RAP1GAP2: variants seen among roughly 807,000 people sequenced by gnomAD.
RAP1GAP2 encodes the protein RAP1 GTPase activating protein 2.
Under a neutral mutation model 95.0 loss-of-function variants are expected in RAP1GAP2, and 27 were observed. The observed-to-expected ratio is 0.28, with a 90% CI of 0.21 to 0.39. The LOEUF (loss-of-function observed/expected upper bound fraction) is 0.39, where lower values mean the gene tolerates loss of function less well. Among genes scored for constraint, RAP1GAP2 ranks in the 10% least tolerant of loss-of-function variants. The probability of loss-of-function intolerance (pLI) is 1.00; values close to 1 mark genes in which losing one functional copy is unlikely to be tolerated. For synonymous variants in RAP1GAP2, 373 were observed against 380.9 expected (o/e 0.98, Z 0.24); for missense variants, 771 against 970.0 (o/e 0.79, Z 2.72).
intron 3 of RAP1GAP2, among the ~76,000 whole-genome samples, chr17:2,942,265 CATCACCAGT>C (rs2043526355): frequency 6.6e-6 from 1 of 152,172 alleles, no homozygotes; most frequent in African/African-American, 2.4e-5. Context: ...CTGCCTGGCA[CATCACCAGT>C]GCCCAACAGA....
chr17:2,991,922 G>A (rs1326141871), intron 12 of RAP1GAP2, among the ~76,000 whole-genome samples: 9 of 150,948 alleles, frequency 6.0e-5, no homozygotes, highest in South Asian at 2.1e-4. Flanking sequence ...CCGCCAACAC[G>A]CCCAGCTAAG....
At chr17:2,919,537 G>T (rs2042680404) in intron 3 of RAP1GAP2, among the ~76,000 whole-genome samples, 1 of 152,056 alleles carries the variant, frequency 6.6e-6, no homozygotes, top group South Asian at 2.1e-4. Flanking sequence ...TGCTGACCTT[G>T]TGGGGAACAC....
intron 8 of RAP1GAP2, among the ~76,000 whole-genome samples, chr17:2,975,192 A>G (rs1021497457): frequency 3.3e-5 from 5 of 152,170 alleles, no homozygotes; most frequent in African/African-American, 1.2e-4. Flanking sequence ...ATTGCGCCAC[A>G]ATACTACTCC....
intron 2 of RAP1GAP2, among the ~76,000 whole-genome samples, chr17:2,829,676 T>A (rs2070746255): frequency 6.6e-6 from 1 of 152,160 alleles, no homozygotes; most frequent in Non-Finnish European, 1.5e-5. Context: ...GTGAATTATT[T>A]CTCAGGGGAG....
chr17:2,952,320 A>C (rs995032711), intron 3 of RAP1GAP2, among the ~76,000 whole-genome samples: 1 of 152,210 alleles, frequency 6.6e-6, no homozygotes, highest in Non-Finnish European at 1.5e-5. Context: ...TTATTGTATG[A>C]GTGTACCCCT....
chr17:2,772,299 A>T (rs943310440), upstream of RAP1GAP2, among the ~76,000 whole-genome samples: 1 of 151,962 alleles, frequency 6.6e-6, no homozygotes, highest in Non-Finnish European at 1.5e-5. Flanking sequence ...TATTTTATTT[A>T]ATGTATTTTG....
At chr17:2,813,347 A>T (rs4790366) in intron 2 of RAP1GAP2, among the ~76,000 whole-genome samples, 127,223 of 152,018 alleles carry the variant, frequency 0.84, 53,657 homozygotes, top group African/African-American at 0.94. Flanking sequence ...AGTGCTGGGA[A>T]TACAGGCGTG....
chr17:2,854,395 C>T (rs1206290071), intron 2 of RAP1GAP2, among the ~76,000 whole-genome samples: 4 of 152,244 alleles, frequency 2.6e-5, no homozygotes, highest in Non-Finnish European at 4.4e-5. Context: ...GACCGCGACC[C>T]CGTTCCCCAA....
intron 1 of RAP1GAP2, 50 bp from the exon 2 acceptor site, chr17:2,800,465 G>C: frequency 6.3e-7 from 1 of 1,591,654 alleles, no homozygotes; most frequent in Non-Finnish European, 8.6e-7. Context: ...ATGCTATGTA[G>C]GAGTCTTCAG....
chr17:2,771,278 G>A (rs1343329707), intron 2 of RAP1GAP2, among the ~76,000 whole-genome samples: 1 of 151,882 alleles, frequency 6.6e-6, no homozygotes, highest in Non-Finnish European at 1.5e-5. Context: ...CTGGGTAGGG[G>A]GCTGGGAGGT....
intron 1 of RAP1GAP2, among the ~76,000 whole-genome samples, chr17:2,758,148 C>T (rs7211192): frequency 0.12 from 18,061 of 145,302 alleles, 1,188 homozygotes; most frequent in East Asian, 0.21. Flanking sequence ...GGATTACAGG[C>T]GTGAGCCACC....
At chr17:2,788,968 A>G (rs2151460500) in intron 1 of RAP1GAP2, among the ~76,000 whole-genome samples, 1 of 152,366 alleles carries the variant, frequency 6.6e-6, no homozygotes, top group Non-Finnish European at 1.5e-5. Context: ...TAGCCCAGTC[A>G]AATTGACACA....
intron 2 of RAP1GAP2, among the ~76,000 whole-genome samples, chr17:2,890,169 C>T (rs79239855): frequency 0.024 from 3,676 of 151,964 alleles, 160 homozygotes; most frequent in African/African-American, 0.084. Context: ...GAATGTACCA[C>T]GGTCACAAGC....
At position 2,963,832 on chromosome 17, in the gene RAP1GAP2, G is replaced by T. The variant is rs371972187; in HGVS notation, c.280-24G>T. The T allele has an allele frequency of 3.6e-5, 55 of 1,548,488 alleles. No homozygotes were observed. Among genetic ancestry groups the T allele is most frequent in the Non-Finnish European group, 4.5e-5 (51 of 1,144,842 alleles). On this transcript the variant is annotated intron_variant, in intron 6 of 24. Transcript: ENST00000254695. This position sits in a 1 kb window ranked among gnomAD's most constrained non-coding sequence, Gnocchi z 4.8. Reference sequence around the variant, plus strand: ...CCCTCCCCTGCGGTCCCAGGGGAGCGCACGACCCTCCCTCTGCCTTCAGGT... The same window carrying T: ...CCCTCCCCTGCGGTCCCAGGGGAGCTCACGACCCTCCCTCTGCCTTCAGGT...
At chr17:2,897,319 C>G (rs779696380) in intron 2 of RAP1GAP2, among the ~76,000 whole-genome samples, 11 of 152,178 alleles carry the variant, frequency 7.2e-5, no homozygotes, top group Non-Finnish European at 1.2e-4. Context: ...ACCTGGGCAA[C>G]AAGAGTGAAA....
chr17:2,961,838 C>G (rs182781709), intron 4 of RAP1GAP2, among the ~76,000 whole-genome samples: 11 of 151,542 alleles, frequency 7.3e-5, no homozygotes, highest in Admixed American at 2.0e-4. Context: ...CCGACACCAA[C>G]AGGCATGACT....
intron 1 of RAP1GAP2, among the ~76,000 whole-genome samples, chr17:2,763,490 G>A (rs545424008): frequency 1.2e-4 from 19 of 152,290 alleles, no homozygotes; most frequent in African/African-American, 3.8e-4. Context: ...GAAGTCAGGA[G>A]TTCAAGACCA....
At chr17:2,881,687 T>C (rs982746428) in intron 2 of RAP1GAP2, among the ~76,000 whole-genome samples, 2 of 152,248 alleles carry the variant, frequency 1.3e-5, no homozygotes, top group African/African-American at 4.8e-5. Flanking sequence ...GTGTAACTTT[T>C]TGAGGAGCGT....
intron 8 of RAP1GAP2, among the ~76,000 whole-genome samples, chr17:2,977,983 C>T (rs565092101): frequency 1.8e-4 from 28 of 152,230 alleles, no homozygotes; most frequent in Non-Finnish European, 4.0e-4. Context: ...TAGTCCCAAA[C>T]CTGATTGCCG....
Sources: gnomAD v4.1 joint callset for allele counts (sites outside exome capture counted in the v4.1 genomes callset) on GRCh38, gnomAD v4.1.1 for gene constraint, Gnocchi (gnomAD v3.1) non-coding constraint, MANE v1.5 for transcripts, NCBI Gene and HGNC (gene_info 2026-07-23, HGNC 2026-07-21) for gene names.